The following PCDHA8 variants were observed in gnomAD, a reference collection of about 807,000 sequenced individuals.
The protein encoded by PCDHA8 is protocadherin alpha-8.
A neutral mutation model predicts 61.8 loss-of-function variants in PCDHA8; 53 were observed. The observed-to-expected ratio is 0.86, with a 90% CI of 0.69 to 1.08. PCDHA8 has a LOEUF of 1.08. Ranked by LOEUF, PCDHA8 falls within the 50% of genes least tolerant of loss-of-function variation. The probability of loss-of-function intolerance (pLI) is 0.00; values close to 1 mark genes in which losing one functional copy is unlikely to be tolerated. For synonymous variants in PCDHA8, 618 were observed against 556.6 expected (o/e 1.11, Z -1.55); for missense variants, 1,293 against 1,245.0 (o/e 1.04, Z -0.58).
intron 1 of PCDHA8, chr5:140,967,906 C>T (rs529421659): frequency 1.2e-6 from 2 of 1,614,208 alleles, no homozygotes; most frequent in Non-Finnish European, 1.7e-6. Context: ...ATGCTACACC[C>T]AACACCATTG....
chr5:140,871,823 C>T (rs900166925), intron 1 of PCDHA8, among the ~76,000 whole-genome samples: 1 of 152,144 alleles, frequency 6.6e-6, no homozygotes, highest in African/African-American at 2.4e-5. Context: ...TACCCATGCC[C>T]CTTCATCTCT....
chr5:140,982,765 C>T (rs1345701735), intron 3 of PCDHA8, among the ~76,000 whole-genome samples: 2 of 151,722 alleles, frequency 1.3e-5, no homozygotes, highest in African/African-American at 2.4e-5. Flanking sequence ...AAAAGGATAA[C>T]AAGGAAAGTG....
intron 1 of PCDHA8, among the ~76,000 whole-genome samples, chr5:140,918,655 T>C (rs1248144760): frequency 6.6e-6 from 1 of 152,218 alleles, no homozygotes; most frequent in Non-Finnish European, 1.5e-5. Context: ...CTAATTCTCA[T>C]GTTGATGGTA....
intron 1 of PCDHA8, among the ~76,000 whole-genome samples, chr5:140,945,754 G>T (rs1206591237): frequency 1.3e-5 from 2 of 152,078 alleles, no homozygotes; most frequent in African/African-American, 4.8e-5. Context: ...TTCAATAAAT[G>T]GTGGTGGGAC....
rs142842369 is a variant in PCDHA8, at chr5:140,884,425, T to G, written c.2394+40710T>G. ...TGGTGCTCACGTTGCTGCTGTATAC[T>G]GCGCTGCGGTGCTCGGCACCGCCCA... On this transcript the variant is annotated intron_variant, in intron 1 of 3. Coordinates refer to ENST00000531613, the MANE Select transcript of PCDHA8 (RefSeq NM_018911.3). 1.3e-3 allele frequency: 2,026 copies of G among 1,613,950 alleles called. 4 individuals carry two copies. Among genetic ancestry groups the G allele is most frequent in the Admixed American group, 3.6e-3 (219 of 60,032 alleles).
At chr5:140,971,692 C>G (rs2096492766) in intron 1 of PCDHA8, among the ~76,000 whole-genome samples, 1 of 152,116 alleles carries the variant, frequency 6.6e-6, no homozygotes, top group South Asian at 2.1e-4. Context: ...TTTGTACTCA[C>G]TAACCACCCT....
At chr5:140,876,724 G>C (rs140611870) in intron 1 of PCDHA8, 4 of 1,614,128 alleles carry the variant, frequency 2.5e-6, no homozygotes, top group Non-Finnish European at 2.5e-6. Context: ...CCGCGAGAGC[G>C]TGTCGGCCTA....
chr5:141,001,987 A>C (rs547998020), intron 3 of PCDHA8, among the ~76,000 whole-genome samples: 3 of 152,302 alleles, frequency 2.0e-5, no homozygotes, highest in African/African-American at 7.2e-5. Context: ...AAAGCCTGGA[A>C]GTTCACTTGC....
Position 140,883,541 on chromosome 5 carries a change from G to T in PCDHA8, c.2394+39826G>T, listed in dbSNP as rs781952906. On this transcript the variant is annotated intron_variant, in intron 1 of 3. Coordinates refer to ENST00000531613, the MANE Select transcript of PCDHA8 (RefSeq NM_018911.3). Reference sequence around the variant, plus strand: ...GAGCGTATCAGCCTATGAACTGGTGGTGACCGCGCGGGACGGGGGCTCGCC... The same window carrying T: ...GAGCGTATCAGCCTATGAACTGGTGTTGACCGCGCGGGACGGGGGCTCGCC... 4.3e-6 allele frequency: 7 copies of T among 1,614,116 alleles called. No individual in the cohort carries two copies. In the East Asian group the frequency reaches 1.1e-4, roughly 26 times the overall value.
At chr5:140,907,179 G>A (rs1257591299) in intron 1 of PCDHA8, among the ~76,000 whole-genome samples, 2 of 152,160 alleles carry the variant, frequency 1.3e-5, no homozygotes, top group Non-Finnish European at 2.9e-5. Flanking sequence ...CTGATTCAGA[G>A]CATACACAAC....
chr5:140,841,815 ACTC>A lies in PCDHA8; in HGVS notation c.496_498del (p.Ser166del). On this transcript the variant is annotated inframe_deletion, in exon 1 of 4. Coordinates refer to ENST00000531613, the MANE Select transcript of PCDHA8 (RefSeq NM_018911.3). ...GCGTCCGATGCAGATGTTGGAGCTA[ACTC>A]CGTGTTAACCTACAGGCTTAGCTCT... The A allele has an allele frequency of 6.2e-7, 1 of 1,613,826 alleles. No individual in the cohort carries two copies. Among genetic ancestry groups the A allele is most frequent in the Non-Finnish European group, 8.5e-7 (1 of 1,179,848 alleles).
chr5:140,873,568 G>T (rs1319513835), intron 1 of PCDHA8, among the ~76,000 whole-genome samples: 1 of 149,090 alleles, frequency 6.7e-6, no homozygotes, highest in East Asian at 1.9e-4. Context: ...TTTCTAGTTT[G>T]GTTGTTTAAG....
chr5:140,980,432 C>A (rs1228010505), intron 2 of PCDHA8, among the ~76,000 whole-genome samples: 1 of 152,118 alleles, frequency 6.6e-6, no homozygotes, highest in East Asian at 1.9e-4. Context: ...GAGATCGAGA[C>A]CATCCTGGAC....
chr5:140,972,294 C>T (rs944183626), intron 1 of PCDHA8, among the ~76,000 whole-genome samples: 14 of 151,458 alleles, frequency 9.2e-5, no homozygotes, highest in South Asian at 2.1e-4. Context: ...TGTGCGCCAC[C>T]GTGTCTGACT....
chr5:140,986,114 T>A (rs1465954606), intron 3 of PCDHA8, among the ~76,000 whole-genome samples: 1 of 152,168 alleles, frequency 6.6e-6, no homozygotes, highest in Non-Finnish European at 1.5e-5. Flanking sequence ...AAGATAAAGA[T>A]GCCACACTCT....
At chr5:141,004,657 G>A (rs565994909) in intron 3 of PCDHA8, among the ~76,000 whole-genome samples, 1 of 152,262 alleles carries the variant, frequency 6.6e-6, no homozygotes, top group Admixed American at 6.5e-5. Context: ...TGGGCTCTGA[G>A]GGCAACTAAA....
At chr5:140,870,482 C>T in intron 1 of PCDHA8, 1 of 1,614,244 alleles carries the variant, frequency 6.2e-7, no homozygotes, top group South Asian at 1.1e-5. Flanking sequence ...CCCGAGTACA[C>T]CGTGTTCGTG....
In PCDHA8 at chr5:140,967,285, G is replaced by C. The variant is rs150694611; in HGVS notation, c.2395-11664G>C. 6,229 of 1,613,054 alleles carry C rather than the reference G, an allele frequency of 3.9e-3. 11 individuals carry two copies. The highest frequency in any genetic ancestry group is 5.0e-3 in the Non-Finnish European group (5,885 of 1,179,544). On this transcript the variant is annotated intron_variant, in intron 1 of 3. Coordinates refer to ENST00000531613, the MANE Select transcript of PCDHA8 (RefSeq NM_018911.3). Reference sequence around the variant, plus strand: ...CGCGCTTTCACATAGAGAGTGCGCAGGACCCCGACGTGGGCGCCAACTCAG... The same window carrying C: ...CGCGCTTTCACATAGAGAGTGCGCACGACCCCGACGTGGGCGCCAACTCAG...
At chr5:141,002,357 C>G (rs2098075744) in intron 3 of PCDHA8, among the ~76,000 whole-genome samples, 2 of 152,246 alleles carry the variant, frequency 1.3e-5, no homozygotes, top group Admixed American at 6.5e-5. Flanking sequence ...ACCTCCACTC[C>G]TTTCAACTCA....
Sources: allele counts gnomAD v4.1 joint callset (sites outside exome capture counted in the v4.1 genomes callset), GRCh38; gene constraint gnomAD v4.1.1; transcripts MANE v1.5; gene names NCBI Gene and HGNC (gene_info 2026-07-23, HGNC 2026-07-21).